The following NALCN variants were observed in gnomAD, a reference collection of about 807,000 sequenced individuals.
NALCN encodes the protein sodium leak channel NALCN.
A neutral mutation model predicts 225.3 loss-of-function variants in NALCN; 111 were observed. The observed-to-expected ratio is 0.49, with a 90% CI of 0.42 to 0.58. The LOEUF (loss-of-function observed/expected upper bound fraction) is 0.58. NALCN is among the 20% of genes least tolerant of loss of function. The pLI, the probability that NALCN is intolerant of heterozygous loss-of-function variation, is 0.00. For missense variants in NALCN, 1,378 were observed against 2,202.4 expected, an observed-to-expected ratio of 0.63 and a Z score of 7.49; for synonymous variants, 764 against 769.0, an observed-to-expected ratio of 0.99 and a Z score of 0.11.
chr13:101,195,503 C>G (rs2039853213), intron 13 of NALCN, among the ~76,000 whole-genome samples: 1 of 152,182 alleles, frequency 6.6e-6, no homozygotes, highest in Non-Finnish European at 1.5e-5. Flanking sequence ...TAGTTTGACA[C>G]TTTCCTTGCT....
chr13:101,203,898 T>C (rs1436366339), intron 13 of NALCN, among the ~76,000 whole-genome samples: 2 of 152,226 alleles, frequency 1.3e-5, no homozygotes, highest in African/African-American at 4.8e-5. Context: ...TTTGGTGCTG[T>C]CAACTCATCA....
intron 15 of NALCN, among the ~76,000 whole-genome samples, chr13:101,160,166 G>A (rs934955380): frequency 2.0e-4 from 30 of 152,128 alleles, no homozygotes; most frequent in African/African-American, 6.8e-4. Flanking sequence ...ATGTTAGCCA[G>A]GATGGTCTCG....
At chr13:101,087,558 C>G (rs1257056303) in intron 30 of NALCN, among the ~76,000 whole-genome samples, 2 of 151,414 alleles carry the variant, frequency 1.3e-5, no homozygotes, top group African/African-American at 4.8e-5. Context: ...CTCCAATTAA[C>G]AAATCAAGTT....
chr13:101,166,059 T>C (rs1044493099), intron 15 of NALCN, among the ~76,000 whole-genome samples: 3 of 152,230 alleles, frequency 2.0e-5, no homozygotes, highest in Admixed American at 1.3e-4. Flanking sequence ...TTCATCCATG[T>C]GTAGCATGTG....
intron 11 of NALCN, among the ~76,000 whole-genome samples, chr13:101,254,477 G>A (rs139779780): frequency 3.1e-4 from 47 of 152,020 alleles, no homozygotes; most frequent in Admixed American, 8.5e-4. Flanking sequence ...GTACACTGAT[G>A]GGGTCTATCT....
chr13:101,338,404 G>C (rs192364136), intron 7 of NALCN, among the ~76,000 whole-genome samples: 1 of 152,092 alleles, frequency 6.6e-6, no homozygotes. Context: ...GCATGATAGC[G>C]ATTTACTTCC....
chr13:101,397,580 A>G (rs533147604), intron 2 of NALCN, among the ~76,000 whole-genome samples: 5 of 151,378 alleles, frequency 3.3e-5, no homozygotes, highest in African/African-American at 1.2e-4. Context: ...TATAACATAT[A>G]TGTGTATGTG....
At chr13:101,176,239 G>T in intron 15 of NALCN, 61 bp downstream of exon 15, 1 of 1,275,608 alleles carries the variant, frequency 7.8e-7, no homozygotes, top group South Asian at 1.7e-5. Flanking sequence ...TTGCCTATAA[G>T]CAAATGGTTT....
At chr13:101,202,046 G>T (rs4771388) in intron 13 of NALCN, among the ~76,000 whole-genome samples, 108,269 of 152,036 alleles carry the variant, frequency 0.71, 39,554 homozygotes, top group African/African-American at 0.89. Flanking sequence ...TCCTTGTTTC[G>T]ATTTTTCCCA....
At chr13:101,154,884 C>T (rs893393792) in intron 15 of NALCN, among the ~76,000 whole-genome samples, 1 of 152,164 alleles carries the variant, frequency 6.6e-6, no homozygotes, top group African/African-American at 2.4e-5. Flanking sequence ...CAAGTTACAT[C>T]AGATTTTCTA....
At chr13:101,179,177 G>A (rs1038127279) in intron 14 of NALCN, among the ~76,000 whole-genome samples, 2 of 152,204 alleles carry the variant, frequency 1.3e-5, no homozygotes, top group Non-Finnish European at 2.9e-5. Context: ...AGAGCACTGT[G>A]CTTGGAGTCA....
At chr13:101,366,367 A>G (rs1273725366) in intron 6 of NALCN, among the ~76,000 whole-genome samples, 2 of 152,176 alleles carry the variant, frequency 1.3e-5, no homozygotes, top group Non-Finnish European at 2.9e-5. Flanking sequence ...TGCCTCACAT[A>G]TTAAACACAA....
intron 6 of NALCN, among the ~76,000 whole-genome samples, chr13:101,372,905 GT>G (rs1182123382): frequency 6.6e-6 from 1 of 151,992 alleles, no homozygotes; most frequent in African/African-American, 2.4e-5. Context: ...TTGTGTGTGT[GT>G]GAAAAGAATA....
chr13:101,211,379 G>A (rs565238937), intron 13 of NALCN, among the ~76,000 whole-genome samples: 244 of 152,084 alleles, frequency 1.6e-3, no homozygotes, highest in African/African-American at 5.6e-3. Flanking sequence ...CTTTATTCAA[G>A]GAAAGTCATA....
At chr13:101,267,198 T>A (rs2042626534) in intron 10 of NALCN, among the ~76,000 whole-genome samples, 1 of 152,228 alleles carries the variant, frequency 6.6e-6, no homozygotes, top group Admixed American at 6.5e-5. Context: ...CACTCTACTC[T>A]GTAAGAGTAA....
At chr13:101,286,836 C>T (rs1260167808) in intron 9 of NALCN, among the ~76,000 whole-genome samples, 1 of 150,630 alleles carries the variant, frequency 6.6e-6, no homozygotes, top group Non-Finnish European at 1.5e-5. Flanking sequence ...CCACCACTAA[C>T]ATTTTACAGT....
chr13:101,365,976 C>T (rs1236294958), intron 6 of NALCN, among the ~76,000 whole-genome samples: 2 of 152,116 alleles, frequency 1.3e-5, no homozygotes, highest in Non-Finnish European at 2.9e-5. Flanking sequence ...GAATATGTTT[C>T]CCTTCTTTTT....
At chr13:101,080,726 T>G (rs1348324354) in intron 34 of NALCN, among the ~76,000 whole-genome samples, 1 of 145,316 alleles carries the variant, frequency 6.9e-6, no homozygotes, top group Non-Finnish European at 1.5e-5. Flanking sequence ...AATACATATT[T>G]TAAATAATAA....
intron 3 of NALCN, among the ~76,000 whole-genome samples, chr13:101,389,928 A>G (rs1208933013): frequency 6.6e-6 from 1 of 152,070 alleles, no homozygotes; most frequent in Non-Finnish European, 1.5e-5. Flanking sequence ...CTAAAAATAC[A>G]AAAATTAGCC....
Sources: gnomAD v4.1 joint callset for allele counts (sites outside exome capture counted in the v4.1 genomes callset) on GRCh38, gnomAD v4.1.1 for gene constraint, MANE v1.5 for transcripts, NCBI Gene and HGNC (gene_info 2026-07-23, HGNC 2026-07-21) for gene names.